The following FNDC1 variants were observed in gnomAD, a reference collection of about 807,000 sequenced individuals.
FNDC1 encodes the protein fibronectin type III domain containing 1, also known as fibronectin type III domain-containing protein 1.
Under a neutral mutation model 168.0 loss-of-function variants are expected in FNDC1, and 96 were observed. That is an observed-to-expected ratio of 0.57 (90% CI 0.48 to 0.68). FNDC1 has a LOEUF of 0.68. Ranked by LOEUF, FNDC1 falls within the 30% of genes least tolerant of loss-of-function variation. FNDC1 has a pLI of 0.00. For synonymous variants in FNDC1, 1,099 were observed against 1,025.9 expected, an observed-to-expected ratio of 1.07 and a Z score of -1.36; for missense variants, 2,587 against 2,482.1, an observed-to-expected ratio of 1.04 and a Z score of -0.90.
intron 17 of FNDC1, 58 bp downstream of exon 17, chr6:159,251,590 T>C (rs772395762): frequency 6.8e-7 from 1 of 1,460,000 alleles, no homozygotes; most frequent in Non-Finnish European, 9.4e-7. Context: ...ATGTGGACAA[T>C]AAAGAATGGT....
intron 7 of FNDC1, 117 bp from the exon 8 acceptor site, chr6:159,225,418 T>G (rs375512): frequency 1.3e-6 from 1 of 794,908 alleles, no homozygotes; most frequent in South Asian, 3.6e-5. Flanking sequence ...TTTTCTCCTC[T>G]TTGATTTTCT....
At chr6:159,200,794 T>C (rs905506627) in intron 4 of FNDC1, among the ~76,000 whole-genome samples, 3 of 152,250 alleles carry the variant, frequency 2.0e-5, no homozygotes, top group Non-Finnish European at 4.4e-5. Flanking sequence ...TTCTTTCATG[T>C]TCTCGCGTGG....
rs528389075 is a variant in FNDC1 at position 159,271,599 on chromosome 6, G to A, written c.*157G>A. ...CTGGCCATTCTGGTCATCTCAGTCT[G>A]GAACTCAGTCCCACTTCTTGGCCTG... On this transcript the variant is annotated 3_prime_UTR_variant, in exon 23 of 23. Transcript: ENST00000297267. The A allele has an allele frequency of 3.3e-5, 20 of 597,984 alleles. No homozygotes were observed. The highest frequency in any genetic ancestry group is 5.5e-5 in the Non-Finnish European group (18 of 326,230). 37.0% of individuals were successfully genotyped at this position (597,984 alleles called of 1,614,324 possible).
chr6:159,239,989 A>C, intron 14 of FNDC1, 32 bp downstream of exon 14: 1 of 1,455,394 alleles, frequency 6.9e-7, no homozygotes, highest in Non-Finnish European at 9.1e-7. Flanking sequence ...CTAACTACTT[A>C]CCAGGCACAC....
chr6:159,235,192 T>C (rs1268957056), intron 11 of FNDC1, among the ~76,000 whole-genome samples: 1 of 152,250 alleles, frequency 6.6e-6, no homozygotes, highest in Non-Finnish European at 1.5e-5. Flanking sequence ...AAGTCCGCTA[T>C]GAACTGGAAT....
Position 159,221,714 on chromosome 6 carries a change from C to G in FNDC1, c.766+18C>G. The G allele has an allele frequency of 6.3e-7, 1 of 1,586,114 alleles. No homozygotes were observed. The highest frequency in any genetic ancestry group is 8.7e-7 in the Non-Finnish European group (1 of 1,154,444). ...GATTTCAGGTATGTTTCTAAGGATG[C>G]ATTTGGTCAAACCATAGTCTGGTAT... On this transcript the variant is annotated intron_variant, in intron 6 of 22. Coordinates refer to ENST00000297267, the MANE Select transcript of FNDC1 (RefSeq NM_032532.3).
rs780552296 is a variant in FNDC1, at chr6:159,232,300, C to T, written c.1788C>T (p.Gly596=). Residue 596 remains glycine (G), a synonymous_variant, in exon 11 of 23, where the codon GGC becomes GGT. Coordinates refer to ENST00000297267, the MANE Select transcript of FNDC1 (RefSeq NM_032532.3). The surrounding 1 kb of genome is among the most constrained non-coding windows in gnomAD (Gnocchi z 4.9). ...TGCCAGCGCTGCCCCGAAGGGAAGG[C>T]GTAGATAAGCCTGGCTTTTCCCTGG... ...ARMPALPRRE[G]VDKPGFSLAT... is the part of the protein sequence containing the mutation. 7 of 1,612,148 alleles carry T rather than the reference C, an allele frequency of 4.3e-6. No homozygotes were observed. Among genetic ancestry groups the T allele is most frequent in the Non-Finnish European group, 5.9e-6 (7 of 1,179,262 alleles).
chr6:159,247,383 T>C (rs1777159327), intron 15 of FNDC1, among the ~76,000 whole-genome samples: 1 of 152,210 alleles, frequency 6.6e-6, no homozygotes, highest in Admixed American at 6.5e-5. Context: ...CCTTTTCTAA[T>C]TACATAAAAT....
At chr6:159,200,997 C>A (rs1782367451) in intron 4 of FNDC1, among the ~76,000 whole-genome samples, 1 of 152,208 alleles carries the variant, frequency 6.6e-6, no homozygotes. Flanking sequence ...TTCTTACAAC[C>A]TTGGGATATT....
At position 159,238,588 on chromosome 6, in the gene FNDC1, C is replaced by T. The variant is rs144981345; in HGVS notation, c.4103C>T (p.Ala1368Val). 1.2e-6 allele frequency: 2 copies of T among 1,611,734 alleles called. No homozygotes were observed. The highest frequency in any genetic ancestry group is 1.7e-5 in the Admixed American group (1 of 59,794). The change falls in exon 13 of 23, where the codon GCA becomes GTA. Residue 1368 changes from alanine to valine, a missense_variant. Coordinates refer to ENST00000297267, the MANE Select transcript of FNDC1 (RefSeq NM_032532.3). ...VDLDRGLVLN[A>V]EGRYLQDSHG... Reference sequence around the variant, plus strand: ...CTTGATCGTGGGTTAGTATTGAATGCAGAAGGAAGGTACCTCCAAGATTCA... The same window carrying T: ...CTTGATCGTGGGTTAGTATTGAATGTAGAAGGAAGGTACCTCCAAGATTCA...
At chr6:159,172,119 C>T (rs779425611) in intron 1 of FNDC1, among the ~76,000 whole-genome samples, 26 of 151,978 alleles carry the variant, frequency 1.7e-4, no homozygotes, top group African/African-American at 5.3e-4. Context: ...TTAATTTTAC[C>T]AAATCTTTGT....
At position 159,253,337 on chromosome 6, in the gene FNDC1, A is replaced by G. The variant is rs555857883; in HGVS notation, c.5065+1805A>G. On this transcript the variant is annotated intron_variant, in intron 17 of 22. Transcript: ENST00000297267. The stretch of plus-strand genomic sequence containing the variant: ...AGAGAATAGCGGCAGCTCGTCATCC[A>G]TTAGTGAACCAAACACCGGCTCTTT... 8.7e-4 allele frequency among the ~76,000 whole-genome samples: 133 copies of G among 152,360 alleles called. 1 individual carries two copies. The highest frequency in any genetic ancestry group is 1.6e-3 in the Non-Finnish European group (107 of 68,034).
intron 10 of FNDC1, among the ~76,000 whole-genome samples, chr6:159,230,763 A>G (rs75827504): frequency 6.6e-6 from 1 of 152,300 alleles, no homozygotes; most frequent in East Asian, 1.9e-4. Flanking sequence ...TGTGCTATGA[A>G]GACCCATGGT....
At chr6:159,215,615 T>C (rs776912015) in intron 5 of FNDC1, among the ~76,000 whole-genome samples, 4 of 152,136 alleles carry the variant, frequency 2.6e-5, no homozygotes, top group Non-Finnish European at 5.9e-5. Flanking sequence ...TACACACACA[T>C]ATATAAAGGG....
chr6:159,193,122 A>G (rs1782172641), intron 1 of FNDC1, among the ~76,000 whole-genome samples: 1 of 151,830 alleles, frequency 6.6e-6, no homozygotes, highest in Non-Finnish European at 1.5e-5. Flanking sequence ...TCATGTGTGT[A>G]TGTGTGTGTG....
rs771124467 is a variant in FNDC1 at position 159,233,342 on chromosome 6, T to C, written c.2830T>C (p.Ser944Pro). Residue 944 changes from serine to proline, a missense_variant, in exon 11 of 23, where the codon TCC (serine) becomes CCC (proline). By Grantham distance (74) the Ser-to-Pro change is moderately conservative. Coordinates refer to ENST00000297267, the MANE Select transcript of FNDC1 (RefSeq NM_032532.3). This position sits in a 1 kb window ranked among gnomAD's most constrained non-coding sequence, Gnocchi z 4.6. ...TACACATCCTCAGGGCAAGTACTCC[T>C]CCCTGGCCTCCAAGGCTCAGGATGT... ...ADTHPQGKYS[S>P]LASKAQDVQQ... The C allele has an allele frequency of 3.1e-6, 5 of 1,613,800 alleles. No individual in the cohort carries two copies. In the South Asian group the frequency reaches 5.5e-5, roughly 18 times the overall value.
intron 1 of FNDC1, among the ~76,000 whole-genome samples, chr6:159,192,688 TG>T (rs1782165539): frequency 6.6e-6 from 1 of 152,206 alleles, no homozygotes; most frequent in Admixed American, 6.5e-5. Context: ...AATATTGGTC[TG>T]GAATGGTTAG....
intron 10 of FNDC1, among the ~76,000 whole-genome samples, chr6:159,230,564 T>C (rs1783059427): frequency 6.6e-6 from 1 of 152,218 alleles, no homozygotes. Flanking sequence ...AGTAAAATTT[T>C]TGGTTTGTAT....
At chr6:159,268,890 ACTAT>A (rs57220093) in intron 22 of FNDC1, among the ~76,000 whole-genome samples, 3,100 of 149,226 alleles carry the variant, frequency 0.021, 109 homozygotes, top group African/African-American at 0.074. Context: ...TATATTTATA[ACTAT>A]CTATCCATCC....
Sources: allele counts gnomAD v4.1 joint callset (sites outside exome capture counted in the v4.1 genomes callset), GRCh38; gene constraint gnomAD v4.1.1; non-coding constraint Gnocchi (gnomAD v3.1); transcripts MANE v1.5; gene names NCBI Gene and HGNC (gene_info 2026-07-23, HGNC 2026-07-21).